Variants in XRCC4 observed in about 807,000 individuals in gnomAD.
XRCC4 encodes X-ray repair cross complementing 4.
XRCC4 carries 28 observed loss-of-function variants against 39.1 expected under a neutral mutation model. That is an observed-to-expected ratio of 0.72 (90% CI 0.53 to 0.98). XRCC4 has a LOEUF of 0.98. Among genes scored for constraint, XRCC4 ranks in the 50% least tolerant of loss-of-function variants. XRCC4 has a pLI of 0.00. For missense variants in XRCC4, 350 were observed against 376.4 expected, an observed-to-expected ratio of 0.93 and a Z score of 0.58; for synonymous variants, 123 against 126.4, an observed-to-expected ratio of 0.97 and a Z score of 0.18.
intron 3 of XRCC4, among the ~76,000 whole-genome samples, chr5:83,125,043 T>C (rs772420133): frequency 2.0e-5 from 3 of 152,252 alleles, no homozygotes; most frequent in Non-Finnish European, 4.4e-5. Context: ...AGGTGTGTTA[T>C]GGTATCTTAT....
At chr5:83,161,185 A>T (rs1159373917) in intron 3 of XRCC4, among the ~76,000 whole-genome samples, 1 of 150,368 alleles carries the variant, frequency 6.7e-6, no homozygotes, top group Non-Finnish European at 1.5e-5. Context: ...ATTTCGGCTC[A>T]CTGCAACCTC....
At chr5:83,287,082 CTG>C (rs1321212512) in intron 7 of XRCC4, among the ~76,000 whole-genome samples, 5 of 152,066 alleles carry the variant, frequency 3.3e-5, no homozygotes, top group Admixed American at 6.6e-5. Context: ...GTTAGGCATA[CTG>C]CCTCAGTATA....
intron 6 of XRCC4, among the ~76,000 whole-genome samples, chr5:83,221,525 G>T (rs1194981377): frequency 2.0e-5 from 3 of 151,978 alleles, no homozygotes; most frequent in Non-Finnish European, 4.4e-5. Context: ...GTGTGGCTTT[G>T]TATTTTAAAT....
At chr5:83,088,284 A>G (rs1365614108) in intron 1 of XRCC4, among the ~76,000 whole-genome samples, 1 of 152,178 alleles carries the variant, frequency 6.6e-6, no homozygotes, top group African/African-American at 2.4e-5. Context: ...GTTTAATTAT[A>G]ATTTATATAG....
chr5:83,279,139 A>G (rs1382641063), intron 7 of XRCC4, among the ~76,000 whole-genome samples: 1 of 149,066 alleles, frequency 6.7e-6, no homozygotes, highest in Non-Finnish European at 1.5e-5. Context: ...CACATTATTG[A>G]AAGTGAATAC....
At chr5:83,146,091 T>A (rs1349565322) in intron 3 of XRCC4, among the ~76,000 whole-genome samples, 1 of 152,172 alleles carries the variant, frequency 6.6e-6, no homozygotes, top group Non-Finnish European at 1.5e-5. Context: ...TTCCTTAGAA[T>A]CAGTCTTTCT....
intron 7 of XRCC4, among the ~76,000 whole-genome samples, chr5:83,311,835 G>A (rs1424985631): frequency 6.6e-6 from 1 of 151,728 alleles, no homozygotes; most frequent in Non-Finnish European, 1.5e-5. Flanking sequence ...TTATAATAAA[G>A]GCTATTTATT....
intron 1 of XRCC4, among the ~76,000 whole-genome samples, chr5:83,096,423 A>G (rs979307156): frequency 6.6e-6 from 1 of 152,142 alleles, no homozygotes; most frequent in Non-Finnish European, 1.5e-5. Flanking sequence ...TAATTCCTCC[A>G]GGACCCCTTG....
Position 83,258,634 on chromosome 5 carries a change from C to A in XRCC4, c.850C>A (p.Pro284Thr). ...QRMQRNLGTE[P>T]KMAPQENQLQ... ...AATGCAAAGAAATCTTGGGACAGAACCTAAAATGGCTCCTCAGGAGAATCA... is the reference window on the plus strand; with the variant it reads ...AATGCAAAGAAATCTTGGGACAGAAACTAAAATGGCTCCTCAGGAGAATCA... Residue 284 changes from proline to threonine, a missense_variant, in exon 7 of 8, where the codon CCT becomes ACT. Transcript: ENST00000396027. 1 of 1,611,750 alleles carries A rather than the reference C, an allele frequency of 6.2e-7. No individual in the cohort carries two copies. Among genetic ancestry groups the A allele is most frequent in the African/African-American group, 1.3e-5 (1 of 74,872 alleles).
chr5:83,131,301 G>A (rs1747567396), intron 3 of XRCC4, among the ~76,000 whole-genome samples: 1 of 152,138 alleles, frequency 6.6e-6, no homozygotes, highest in African/African-American at 2.4e-5. Context: ...TTAATCCTGA[G>A]TTCTAGTTTG....
chr5:83,242,669 T>C (rs1227882836), intron 6 of XRCC4, among the ~76,000 whole-genome samples: 1 of 152,128 alleles, frequency 6.6e-6, no homozygotes, highest in Non-Finnish European at 1.5e-5. Context: ...TCCAAATTTC[T>C]AATGTATATA....
chr5:83,167,694 C>T (rs191306204), intron 3 of XRCC4, among the ~76,000 whole-genome samples: 1 of 152,266 alleles, frequency 6.6e-6, no homozygotes, highest in East Asian at 1.9e-4. Flanking sequence ...ACACTGTCCT[C>T]ATATCACAGG....
At chr5:83,264,863 A>T (rs1561442130) in intron 7 of XRCC4, among the ~76,000 whole-genome samples, 1 of 152,220 alleles carries the variant, frequency 6.6e-6, no homozygotes, top group Non-Finnish European at 1.5e-5. Context: ...AGAGTTATAC[A>T]TGGAATTACA....
intron 7 of XRCC4, among the ~76,000 whole-genome samples, chr5:83,315,506 G>T (rs992764201): frequency 3.3e-5 from 5 of 152,132 alleles, no homozygotes; most frequent in Admixed American, 1.3e-4. Context: ...TAGCTAGAAA[G>T]AAGTCAATTC....
chr5:83,080,085 A>AT (rs1744867085), intron 1 of XRCC4, among the ~76,000 whole-genome samples: 1 of 152,196 alleles, frequency 6.6e-6, no homozygotes, highest in Non-Finnish European at 1.5e-5. Flanking sequence ...TCTTTGCTAA[A>AT]TTAAAAGTCC....
intron 7 of XRCC4, among the ~76,000 whole-genome samples, chr5:83,264,562 A>C (rs2112913680): frequency 6.6e-6 from 1 of 152,164 alleles, no homozygotes; most frequent in South Asian, 2.1e-4. Flanking sequence ...TTCCAGAAAA[A>C]TCAGAAAACC....
At chr5:83,331,101 A>C (rs1226672695) in intron 7 of XRCC4, among the ~76,000 whole-genome samples, 3 of 151,944 alleles carry the variant, frequency 2.0e-5, no homozygotes, top group Non-Finnish European at 4.4e-5. Context: ...AGTTTAACCA[A>C]AGTTCTCAAT....
At chr5:83,078,028 A>AC (rs1744749957) in intron 1 of XRCC4, among the ~76,000 whole-genome samples, 1 of 152,188 alleles carries the variant, frequency 6.6e-6, no homozygotes, top group Non-Finnish European at 1.5e-5. Context: ...GTGGGTTCCA[A>AC]CCAGGCATCG....
intron 7 of XRCC4, among the ~76,000 whole-genome samples, chr5:83,342,908 T>C (rs984312267): frequency 2.0e-5 from 3 of 152,156 alleles, no homozygotes; most frequent in African/African-American, 7.2e-5. Flanking sequence ...GTTTCCATAA[T>C]TGAGTTTATT....
Sources: gnomAD v4.1 joint callset for allele counts (sites outside exome capture counted in the v4.1 genomes callset) on GRCh38, gnomAD v4.1.1 for gene constraint, MANE v1.5 for transcripts, NCBI Gene and HGNC (gene_info 2026-07-23, HGNC 2026-07-21) for gene names.